The following TSHR variants were observed in gnomAD, a reference collection of about 807,000 sequenced individuals.
TSHR encodes the protein thyrotropin receptor.
Under a neutral mutation model 64.1 loss-of-function variants are expected in TSHR, and 51 were observed. That is an observed-to-expected ratio of 0.80 (90% confidence interval 0.64 to 1.01). TSHR has a LOEUF of 1.01. Among genes scored for constraint, TSHR ranks in the 50% least tolerant of loss-of-function variants. TSHR has a pLI of 0.00. For missense variants in TSHR, 877 were observed against 942.8 expected (o/e 0.93, Z 0.91); for synonymous variants, 361 against 361.9 (o/e 1.00, Z 0.03).
chr14:81,108,459 AAG>A lies in TSHR; in HGVS notation c.692+9_692+10del, dbSNP rs774810258. The A allele has an allele frequency of 6.1e-5, 99 of 1,612,926 alleles. No homozygotes were observed. Among genetic ancestry groups the A allele is most frequent in the Non-Finnish European group, 8.0e-5 (94 of 1,179,374 alleles). On this transcript the variant is annotated splice_region_variant and intron_variant, in intron 8 of 9. Transcript: ENST00000298171. ...ACAGTGGACCAAGCTTGCTGTGAGT[AAG>A]ACATACAAAAGAATATTTTAGTCTT...
intron 1 of TSHR, among the ~76,000 whole-genome samples, chr14:80,957,574 G>A (rs571087552): frequency 6.6e-6 from 1 of 152,286 alleles, no homozygotes; most frequent in East Asian, 1.9e-4. Context: ...CTTCTTCAGA[G>A]ACTTCTTTAA....
intron 6 of TSHR, among the ~76,000 whole-genome samples, chr14:81,096,093 A>G (rs913538461): frequency 1.3e-5 from 2 of 152,002 alleles, no homozygotes; most frequent in African/African-American, 4.8e-5. Context: ...CTACTTTCTT[A>G]GATTCATCTA....
chr14:81,037,655 T>G (rs1217789647), intron 1 of TSHR, among the ~76,000 whole-genome samples: 1 of 151,992 alleles, frequency 6.6e-6, no homozygotes, highest in Non-Finnish European at 1.5e-5. Flanking sequence ...AAAAATGATA[T>G]TCAATGCAAA....
rs1189038921 is a variant in TSHR at position 81,041,545 on chromosome 14, G to A, written c.171-20603G>A. Among the ~76,000 whole-genome samples, 5 of 151,990 alleles carry A rather than the reference G, an allele frequency of 3.3e-5. No homozygotes were observed. The South Asian group carries it at 8.3e-4, about 25-fold the overall frequency. ...GGGTGGAAGGTGGGAGGAGGGAGAG[G>A]ATCAGGAAAAACAACTAATGGATAT... On this transcript the variant is annotated intron_variant, in intron 1 of 9. Transcript: ENST00000298171.
At chr14:81,019,581 G>A (rs1035472965) in intron 1 of TSHR, among the ~76,000 whole-genome samples, 4 of 151,310 alleles carry the variant, frequency 2.6e-5, no homozygotes, top group African/African-American at 9.7e-5. Flanking sequence ...TCTACATTAG[G>A]TATTTCTCCT....
intron 3 of TSHR, among the ~76,000 whole-genome samples, chr14:81,081,693 T>C (rs1018649811): frequency 3.3e-5 from 5 of 152,266 alleles, no homozygotes; most frequent in African/African-American, 1.2e-4. Context: ...TATTTATTAG[T>C]CTCAGGTTTC....
chr14:81,067,879 A>G (rs1886749444), intron 2 of TSHR, among the ~76,000 whole-genome samples: 1 of 145,740 alleles, frequency 6.9e-6, no homozygotes, highest in Non-Finnish European at 1.5e-5. Flanking sequence ...TTCAAAGAAG[A>G]TGAAGAGAAA....
At chr14:81,138,465 A>G (rs1308855772) in intron 8 of TSHR, among the ~76,000 whole-genome samples, 1 of 152,180 alleles carries the variant, frequency 6.6e-6, no homozygotes, top group African/African-American at 2.4e-5. Context: ...CTGGGATTAC[A>G]GGCGTGAGCT....
intron 6 of TSHR, 120 bp from the exon 7 acceptor site, chr14:81,096,519 G>C: frequency 3.2e-6 from 3 of 926,510 alleles, no homozygotes; most frequent in Non-Finnish European, 5.1e-6. Flanking sequence ...ATACATATGT[G>C]GGACCTGAAA....
At chr14:81,002,783 TTTTTTTTTTTTTTTTTTTTTTTTTATC>T (rs1889397483) in intron 1 of TSHR, among the ~76,000 whole-genome samples, 3 of 12,576 alleles carry the variant, frequency 2.4e-4, no homozygotes, top group Non-Finnish European at 4.4e-4. Context: ...TAATGCCTCT[TTTTTTTTTTTTTTTTTTTTTTTTTATC>T]TTTTTTTTTT....
At chr14:81,126,880 C>T (rs1049131247) in intron 8 of TSHR, among the ~76,000 whole-genome samples, 2 of 152,164 alleles carry the variant, frequency 1.3e-5, no homozygotes, top group Admixed American at 1.3e-4. Flanking sequence ...CTTCCAACCC[C>T]AAAAGATTCT....
At chr14:81,080,079 A>C (rs1044819068) in intron 3 of TSHR, among the ~76,000 whole-genome samples, 3 of 152,054 alleles carry the variant, frequency 2.0e-5, no homozygotes, top group African/African-American at 7.2e-5. Context: ...CAGACTCCCA[A>C]GTAGCTAGGA....
At chr14:81,091,793 G>C (rs1428224348) in intron 5 of TSHR, among the ~76,000 whole-genome samples, 2 of 152,256 alleles carry the variant, frequency 1.3e-5, no homozygotes, top group Non-Finnish European at 2.9e-5. Flanking sequence ...GGAACAGTCA[G>C]AAGTGGTACT....
At chr14:81,138,187 ATT>A (rs368195048) in intron 8 of TSHR, among the ~76,000 whole-genome samples, 19 of 130,328 alleles carry the variant, frequency 1.5e-4, no homozygotes, top group Admixed American at 2.3e-4. Context: ...GCCAAGGGTA[ATT>A]TTTTTTTTTT....
chr14:81,108,291 T>C, intron 7 of TSHR, 84 bp from the exon 8 acceptor site: 1 of 1,145,406 alleles, frequency 8.7e-7, no homozygotes. Context: ...GGTCACATTT[T>C]ATTCTGATAT....
chr14:81,035,390 C>A (rs1298399773), intron 1 of TSHR, among the ~76,000 whole-genome samples: 1 of 152,118 alleles, frequency 6.6e-6, no homozygotes. Flanking sequence ...ATGTGGTAAC[C>A]CTTGCAGGAG....
intron 1 of TSHR, among the ~76,000 whole-genome samples, chr14:81,042,254 G>T (rs1482251697): frequency 6.6e-6 from 1 of 152,104 alleles, no homozygotes; most frequent in African/African-American, 2.4e-5. Flanking sequence ...ATTAAAACTA[G>T]AACTATTATG....
chr14:81,133,937 T>G (rs942037085), intron 8 of TSHR, among the ~76,000 whole-genome samples: 5 of 152,058 alleles, frequency 3.3e-5, no homozygotes, highest in African/African-American at 1.2e-4. Context: ...ATAGCTAATA[T>G]TTATTGAGAA....
chr14:80,983,396 A>C, intron 1 of TSHR: 2 of 1,149,922 alleles, frequency 1.7e-6, no homozygotes, highest in South Asian at 1.7e-5. Context: ...TTTTGAAAGT[A>C]ATTTTAAATA....
Sources: gnomAD v4.1 joint callset for allele counts (sites outside exome capture counted in the v4.1 genomes callset) on GRCh38, gnomAD v4.1.1 for gene constraint, MANE v1.5 for transcripts, NCBI Gene and HGNC (gene_info 2026-07-23, HGNC 2026-07-21) for gene names.